Variants in LRIF1 observed in about 807,000 individuals in gnomAD.
LRIF1 encodes ligand dependent nuclear receptor interacting factor 1.
LRIF1 carries 32 observed loss-of-function variants against 52.7 expected under a neutral mutation model. That is an observed-to-expected ratio of 0.61 (90% confidence interval 0.46 to 0.82). LRIF1 has a LOEUF of 0.82. LRIF1 is among the 40% of genes least tolerant of loss of function. The pLI is 0.00. For synonymous variants in LRIF1, 323 were observed against 317.4 expected (o/e 1.02, Z -0.19); for missense variants, 887 against 892.0 (o/e 0.99, Z 0.07).
In LRIF1 at chr1:110,949,878, A is replaced by G; in HGVS notation, c.1842T>C (p.Phe614=). The change falls in exon 3 of 4, where the codon TTT becomes TTC. Residue 614 remains phenylalanine (F), a synonymous_variant. Coordinates refer to ENST00000369763, the MANE Select transcript of LRIF1 (RefSeq NM_018372.4). ...VKSGTYKETE[F]MVKEGERKQQ... Reference sequence around the variant, plus strand: ...GTTTTCTCTCTCCTTCCTTCACCATAAACTCTGTCTCTTTGTAAGTACCAC... The same window carrying G: ...GTTTTCTCTCTCCTTCCTTCACCATGAACTCTGTCTCTTTGTAAGTACCAC... 6.2e-7 allele frequency: 1 copy of G among 1,614,026 alleles called. No homozygotes were observed. Among genetic ancestry groups the G allele is most frequent in the Non-Finnish European group, 8.5e-7 (1 of 1,179,972 alleles).
intron 2 of LRIF1, among the ~76,000 whole-genome samples, chr1:110,950,773 C>T (rs1658435964): frequency 6.6e-6 from 1 of 151,728 alleles, no homozygotes; most frequent in Non-Finnish European, 1.5e-5. Context: ...ATCTTATTTC[C>T]ACAAATTACT....
the LRIF1 span, among the ~76,000 whole-genome samples, chr1:110,918,629 T>G: frequency 6.6e-6 from 1 of 152,066 alleles, no homozygotes; most frequent in Admixed American, 6.5e-5. Context: ...ATGGACAACT[T>G]GAAGAGACAG....
At chr1:110,887,500 A>G in the LRIF1 span, among the ~76,000 whole-genome samples, 1 of 152,166 alleles carries the variant, frequency 6.6e-6, no homozygotes, top group Non-Finnish European at 1.5e-5. Context: ...ATCTATGTGT[A>G]AATTTTACTT....
At chr1:110,946,684 T>G (rs1658215490), downstream of LRIF1, among the ~76,000 whole-genome samples, 1 of 133,312 alleles carries the variant, frequency 7.5e-6, no homozygotes, top group South Asian at 2.4e-4. Context: ...TGAGACGGAG[T>G]CTGGCTCTGT....
the LRIF1 span, chr1:110,896,691 C>A: frequency 6.2e-7 from 1 of 1,613,550 alleles, no homozygotes; most frequent in Non-Finnish European, 8.5e-7. Context: ...GTGATTGGAC[C>A]AGTGGCCCAC....
the LRIF1 span, among the ~76,000 whole-genome samples, chr1:110,918,282 G>A: frequency 2.0e-5 from 3 of 152,210 alleles, no homozygotes; most frequent in Admixed American, 2.0e-4. Context: ...GCACTGTCCT[G>A]AAGATCAGGA....
chr1:110,890,791 G>A, the LRIF1 span, among the ~76,000 whole-genome samples: 1 of 152,136 alleles, frequency 6.6e-6, no homozygotes, highest in South Asian at 2.1e-4. Context: ...CTGTAAGACT[G>A]TTGTCTTCTG....
At chr1:110,927,466 C>G in the LRIF1 span, among the ~76,000 whole-genome samples, 93 of 152,242 alleles carry the variant, frequency 6.1e-4, 1 homozygote, top group South Asian at 6.2e-4. Context: ...CTATTGAAAC[C>G]TATGTTGGTT....
rs1570938025 is a variant in LRIF1, at chr1:110,948,354, C to T, written c.1915G>A (p.Asp639Asn). ...KRKAKTNKKM[D>N]HIKKRKTENA... ...TCTGTTTTTCTCTTCTTTATGTGAT[C>T]CATCTTCTTATTAGTTTTTGCTTTT... is the stretch of plus-strand genomic sequence containing the variant. Residue 639 changes from aspartate to asparagine, a missense_variant, in exon 4 of 4, where the codon GAT (aspartate) becomes AAT (asparagine). By Grantham distance (23) the Asp-to-Asn change is conservative (BLOSUM62 1). Transcript: ENST00000369763. The T allele has an allele frequency of 1.9e-6, 3 of 1,613,604 alleles. No homozygotes were observed. Among genetic ancestry groups the T allele is most frequent in the East Asian group, 2.2e-5 (1 of 44,854 alleles).
intron 1 of LRIF1, among the ~76,000 whole-genome samples, chr1:110,960,953 T>C (rs928207313): frequency 4.6e-5 from 7 of 152,184 alleles, no homozygotes; most frequent in Non-Finnish European, 8.8e-5. Context: ...CTATTTCCAA[T>C]AGATGAAGTC....
rs181507550 is a variant in LRIF1, at chr1:110,957,348, C to T, written c.69-4533G>A. Reference sequence around the variant, plus strand: ...ATTAGCCGGGCGTGGTAGCAAGCGCCTGTAGTCCCAGCTACTCAGGAGGCT... The same window carrying T: ...ATTAGCCGGGCGTGGTAGCAAGCGCTTGTAGTCCCAGCTACTCAGGAGGCT... On this transcript the variant is annotated intron_variant, in intron 1 of 3. Coordinates refer to ENST00000369763, the MANE Select transcript of LRIF1 (RefSeq NM_018372.4). Among the ~76,000 whole-genome samples the T allele has an allele frequency of 1.9e-4, 29 of 150,366 alleles. 1 individual carries two copies. Among genetic ancestry groups the T allele is most frequent in the Admixed American group, 1.8e-3 (28 of 15,148 alleles).
At chr1:110,916,203 A>G in the LRIF1 span, among the ~76,000 whole-genome samples, 1 of 152,216 alleles carries the variant, frequency 6.6e-6, no homozygotes, top group African/African-American at 2.4e-5. Flanking sequence ...AATGATAAAT[A>G]TATAAATAAT....
chr1:110,886,869 A>ATATATATATATTTT, the LRIF1 span, among the ~76,000 whole-genome samples: 154 of 82,724 alleles, frequency 1.9e-3, no homozygotes, highest in South Asian at 7.3e-3. Context: ...ATATATATAT[A>ATATATATATATTTT]TTTTTTTTTT....
At chr1:110,889,611 A>G in the LRIF1 span, among the ~76,000 whole-genome samples, 1 of 152,078 alleles carries the variant, frequency 6.6e-6, no homozygotes, top group African/African-American at 2.4e-5. Context: ...TCATGGGTTC[A>G]ATTTATTGAG....
chr1:110,894,564 A>G, the LRIF1 span, among the ~76,000 whole-genome samples: 3 of 152,008 alleles, frequency 2.0e-5, no homozygotes, highest in Admixed American at 6.6e-5. Context: ...GAAAATTTGT[A>G]TGAAAGAGAT....
the LRIF1 span, among the ~76,000 whole-genome samples, chr1:110,886,094 T>A: frequency 1.3e-5 from 2 of 152,180 alleles, no homozygotes; most frequent in Non-Finnish European, 2.9e-5. Context: ...AAGTCCTTTT[T>A]TTAAGTTATT....
the LRIF1 span, chr1:110,899,157 T>G: frequency 1.2e-6 from 2 of 1,613,988 alleles, no homozygotes; most frequent in Non-Finnish European, 1.7e-6. Context: ...GACCCTGAAC[T>G]GCCAGATTGA....
At chr1:110,900,888 A>T in the LRIF1 span, among the ~76,000 whole-genome samples, 1 of 152,176 alleles carries the variant, frequency 6.6e-6, no homozygotes, top group African/African-American at 2.4e-5. Context: ...GCTAAATTGA[A>T]TTGTCTATAA....
chr1:110,902,727 C>G, the LRIF1 span, among the ~76,000 whole-genome samples: 11 of 151,934 alleles, frequency 7.2e-5, no homozygotes, highest in African/African-American at 2.7e-4. Context: ...GAAGGTATAG[C>G]GAGATGGTGG....
Sources: gnomAD v4.1 joint callset for allele counts (sites outside exome capture counted in the v4.1 genomes callset) on GRCh38, gnomAD v4.1.1 for gene constraint, MANE v1.5 for transcripts, NCBI Gene and HGNC (gene_info 2026-07-23, HGNC 2026-07-21) for gene names.